The following PRKN variants were observed in gnomAD, a reference collection of about 807,000 sequenced individuals.
PRKN encodes the protein E3 ubiquitin-protein ligase parkin.
Under a neutral mutation model 59.5 loss-of-function variants are expected in PRKN, and 56 were observed. That is an observed-to-expected ratio of 0.94 (90% CI 0.76 to 1.18). PRKN has a LOEUF of 1.18. PRKN is among the 50% of genes most tolerant of loss of function. The pLI is 0.00. For synonymous variants in PRKN, 250 were observed against 222.1 expected (o/e 1.13, Z -1.12); for missense variants, 657 against 596.4 (o/e 1.10, Z -1.06).
At chr6:161,622,994 T>C (rs915986063) in intron 7 of PRKN, among the ~76,000 whole-genome samples, 9 of 152,350 alleles carry the variant, frequency 5.9e-5, no homozygotes, top group African/African-American at 2.2e-4. Flanking sequence ...ATGTCTCTTT[T>C]CTTTTCCGCT....
chr6:161,777,523 CA>C (rs1353260564), intron 7 of PRKN, among the ~76,000 whole-genome samples: 5 of 151,490 alleles, frequency 3.3e-5, no homozygotes, highest in Admixed American at 3.3e-4. Flanking sequence ...TTATTACACA[CA>C]TCTTGATAGC....
At position 161,527,733 on chromosome 6, in the gene PRKN, A is replaced by T. The variant is rs1779065879; in HGVS notation, c.1083+21121T>A. Among the ~76,000 whole-genome samples the T allele has an allele frequency of 1.3e-5, 2 of 152,194 alleles. No individual in the cohort carries two copies. The highest frequency in any genetic ancestry group is 4.1e-4 in the South Asian group (2 of 4,828). ...TTCCTAGTCAGGCCAAGCTATTGCT[A>T]ATCAGAACATTCTCCGGCTCTCCAG... On this transcript the variant is annotated intron_variant, in intron 9 of 11. Coordinates refer to ENST00000366898, the MANE Select transcript of PRKN (RefSeq NM_004562.3). The surrounding 1 kb of genome is among the most constrained non-coding windows in gnomAD (Gnocchi z 4.6).
At chr6:162,075,358 ATAT>A (rs531140518) in intron 4 of PRKN, among the ~76,000 whole-genome samples, 3 of 151,436 alleles carry the variant, frequency 2.0e-5, no homozygotes, top group Admixed American at 6.6e-5. Flanking sequence ...CATCATAGAA[ATAT>A]TATTATTTAG....
In PRKN at chr6:161,864,383, G is replaced by A. The variant is rs527377588; in HGVS notation, c.735-78475C>T. 2.0e-5 allele frequency among the ~76,000 whole-genome samples: 3 copies of A among 152,224 alleles called. No homozygotes were observed. In the East Asian group the frequency reaches 5.8e-4, roughly 29 times the overall value. On this transcript the variant is annotated intron_variant, in intron 6 of 11. Transcript: ENST00000366898. ...AAGATGCGATTCCTCACCTGTTCAAGTTTGATTATGAGATTACAGCAATTC... is the reference window on the plus strand; with the variant it reads ...AAGATGCGATTCCTCACCTGTTCAAATTTGATTATGAGATTACAGCAATTC...
rs1788575159 is a variant in PRKN, at chr6:161,430,170, T to C, written c.1084-43293A>G. Among the ~76,000 whole-genome samples the C allele has an allele frequency of 2.0e-5, 3 of 152,290 alleles. No homozygotes were observed. In the South Asian group the frequency reaches 6.2e-4, roughly 32 times the overall value. ...ACAGAGGGAGACATTGTCTTTGTTA[T>C]AAGCAAACTTCCCCTCTGCTGCGGA... On this transcript the variant is annotated intron_variant, in intron 9 of 11. Coordinates refer to ENST00000366898, the MANE Select transcript of PRKN (RefSeq NM_004562.3).
At chr6:161,670,698 C>T (rs564986784) in intron 7 of PRKN, among the ~76,000 whole-genome samples, 1 of 152,200 alleles carries the variant, frequency 6.6e-6, no homozygotes, top group South Asian at 2.1e-4. Flanking sequence ...TGCCTGTTGT[C>T]CCAGCTACTC....
chr6:162,265,376 T>TC (rs1380232934), intron 2 of PRKN, among the ~76,000 whole-genome samples: 1 of 152,066 alleles, frequency 6.6e-6, no homozygotes, highest in African/African-American at 2.4e-5. Flanking sequence ...CTTATATTTG[T>TC]CCCGCTGCTA....
chr6:162,140,534 A>T (rs888083183), intron 4 of PRKN, among the ~76,000 whole-genome samples: 1 of 152,174 alleles, frequency 6.6e-6, no homozygotes, highest in Non-Finnish European at 1.5e-5. Context: ...TTTAGACGGC[A>T]CCAGCTCTCT....
intron 1 of PRKN, among the ~76,000 whole-genome samples, chr6:162,533,447 G>A (rs1778592823): frequency 6.6e-6 from 1 of 152,130 alleles, no homozygotes; most frequent in Non-Finnish European, 1.5e-5. Flanking sequence ...AGAATTGTTT[G>A]AACCCAGGAG....
At chr6:162,563,490 T>G (rs185775125) in intron 1 of PRKN, among the ~76,000 whole-genome samples, 2 of 152,318 alleles carry the variant, frequency 1.3e-5, no homozygotes, top group African/African-American at 4.8e-5. Flanking sequence ...AGATACAGCT[T>G]AGATCACAAT....
chr6:162,570,589 A>T (rs1039544891), intron 1 of PRKN, among the ~76,000 whole-genome samples: 4 of 152,236 alleles, frequency 2.6e-5, no homozygotes, highest in Non-Finnish European at 5.9e-5. Flanking sequence ...CAGATGAATA[A>T]TGCATAAGGA....
At chr6:161,879,109 G>A (rs1794836765) in intron 6 of PRKN, among the ~76,000 whole-genome samples, 1 of 152,030 alleles carries the variant, frequency 6.6e-6, no homozygotes, top group Non-Finnish European at 1.5e-5. Flanking sequence ...TATTTTCACA[G>A]CTCCCCAAGC....
chr6:161,712,121 G>A (rs1374932047), intron 7 of PRKN, among the ~76,000 whole-genome samples: 1 of 152,072 alleles, frequency 6.6e-6, no homozygotes, highest in Non-Finnish European at 1.5e-5. Context: ...AATACATGAG[G>A]TGAGGTAACA....
At chr6:162,524,030 C>T (rs1046067647) in intron 1 of PRKN, among the ~76,000 whole-genome samples, 32 of 152,012 alleles carry the variant, frequency 2.1e-4, no homozygotes, top group Admixed American at 1.7e-3. Flanking sequence ...TCTGTGCCCC[C>T]GTTATAACTC....
chr6:161,895,284 G>C (rs1370367935), intron 6 of PRKN, among the ~76,000 whole-genome samples: 1 of 152,122 alleles, frequency 6.6e-6, no homozygotes, highest in African/African-American at 2.4e-5. Context: ...TGACACTAGA[G>C]TCGGCAAGAG....
chr6:161,651,967 T>C (rs1026892919), intron 7 of PRKN, among the ~76,000 whole-genome samples: 1 of 152,228 alleles, frequency 6.6e-6, no homozygotes, highest in Non-Finnish European at 1.5e-5. Flanking sequence ...TTTGAACATT[T>C]TGATGTTTCT....
intron 4 of PRKN, among the ~76,000 whole-genome samples, chr6:162,113,470 T>A (rs1780529388): frequency 2.0e-5 from 3 of 152,144 alleles, no homozygotes; most frequent in Admixed American, 2.0e-4. Flanking sequence ...TCACATCAGT[T>A]AAATTACCCT....
At chr6:161,892,172 G>T (rs1265335901) in intron 6 of PRKN, among the ~76,000 whole-genome samples, 1 of 152,128 alleles carries the variant, frequency 6.6e-6, no homozygotes, top group Non-Finnish European at 1.5e-5. Context: ...AGGGGCTCAT[G>T]CCTATAATCC....
chr6:161,559,387 C>T (rs1166766952), intron 8 of PRKN, among the ~76,000 whole-genome samples: 3 of 152,180 alleles, frequency 2.0e-5, no homozygotes, highest in African/African-American at 7.2e-5. Context: ...GGTGGTGAAG[C>T]GTCTCCTGAT....
Sources: allele counts gnomAD v4.1 joint callset (sites outside exome capture counted in the v4.1 genomes callset), GRCh38; gene constraint gnomAD v4.1.1; non-coding constraint Gnocchi (gnomAD v3.1); transcripts MANE v1.5; gene names NCBI Gene and HGNC (gene_info 2026-07-23, HGNC 2026-07-21).